Variants in ADAMTSL1 observed in about 807,000 individuals in gnomAD.
The protein encoded by ADAMTSL1 is ADAMTS-like protein 1.
In ADAMTSL1, 126 loss-of-function variants were observed where a neutral mutation model predicts 201.8. The ratio of observed to expected loss-of-function variants is 0.62; its 90% CI spans 0.54 to 0.72. The LOEUF (loss-of-function observed/expected upper bound fraction) is 0.72, where lower values mean the gene tolerates loss of function less well. Ranked by LOEUF, ADAMTSL1 falls within the 30% of genes least tolerant of loss-of-function variation. The pLI is 0.00. For missense variants in ADAMTSL1, 2,679 were observed against 2,277.8 expected (o/e 1.18, Z -3.59); for synonymous variants, 1,121 against 903.4 (o/e 1.24, Z -4.32).
rs189758212 is a variant in ADAMTSL1, at chr9:18,786,930, T to C, written c.3678-8467T>C. Among the ~76,000 whole-genome samples the C allele has an allele frequency of 5.9e-5, 9 of 152,306 alleles. No homozygotes were observed. In the East Asian group the frequency reaches 1.5e-3, roughly 26 times the overall value. On this transcript the variant is annotated intron_variant, in intron 19 of 28. Coordinates refer to ENST00000380548, the MANE Select transcript of ADAMTSL1 (RefSeq NM_001040272.6). Reference sequence around the variant, plus strand: ...TGAATAGGAGATGAATTAAGGCATATTTGGAAGTCTTTAACTTGGGCAACT... The same window carrying C: ...TGAATAGGAGATGAATTAAGGCATACTTGGAAGTCTTTAACTTGGGCAACT...
intron 7 of ADAMTSL1, among the ~76,000 whole-genome samples, chr9:18,641,743 A>G (rs1050620377): frequency 6.6e-6 from 1 of 151,946 alleles, no homozygotes; most frequent in Admixed American, 6.6e-5. Flanking sequence ...TAATGAAACA[A>G]CTTTCTCTTC....
chr9:18,566,197 G>A (rs560260703), intron 3 of ADAMTSL1, among the ~76,000 whole-genome samples: 3 of 152,090 alleles, frequency 2.0e-5, no homozygotes, highest in Non-Finnish European at 2.9e-5. Flanking sequence ...AGAAAACTAA[G>A]ATTCAAATTC....
chr9:18,497,220 ATCCCTATAG>A (rs1822575207), intron 1 of ADAMTSL1, among the ~76,000 whole-genome samples: 1 of 152,246 alleles, frequency 6.6e-6, no homozygotes. Flanking sequence ...GGTTTAAAAT[ATCCCTATAG>A]TCCAGGGGCC....
In ADAMTSL1 at chr9:18,777,534, C is replaced by T; in HGVS notation, c.3305C>T (p.Ala1102Val). 6.2e-7 allele frequency: 1 copy of T among 1,601,848 alleles called. No individual in the cohort carries two copies. Among genetic ancestry groups the T allele is most frequent in the Middle Eastern group, 1.7e-4 (1 of 6,054 alleles). Residue 1102 changes from alanine to valine, a missense_variant, in exon 19 of 29, where the codon GCC (alanine) becomes GTC (valine). Coordinates refer to ENST00000380548, the MANE Select transcript of ADAMTSL1 (RefSeq NM_001040272.6). ...GACCTCTACAGCAAGCACCTGGTGGCCCAGCTGGCCCAGGAGATCTTCCGC... is the reference window on the plus strand; with the variant it reads ...GACCTCTACAGCAAGCACCTGGTGGTCCAGCTGGCCCAGGAGATCTTCCGC... ...LRDLYSKHLV[A>V]QLAQEIFRSH...
chr9:18,288,260 T>G (rs1224444562), intron 2 of ADAMTSL1, among the ~76,000 whole-genome samples: 1 of 151,946 alleles, frequency 6.6e-6, no homozygotes, highest in Non-Finnish European at 1.5e-5. Flanking sequence ...AAATCCCAGG[T>G]CAATGTCTCC....
rs548316902 is a variant in ADAMTSL1 at position 18,667,424 on chromosome 9, T to C, written c.1085+5351T>C. On this transcript the variant is annotated intron_variant, in intron 9 of 28. Transcript: ENST00000380548. ...ACTAGTCAATGGCAATATAGCCTGA[T>C]GTTTAGGAGTGGGAGCTTTGGCATA... 2.0e-3 allele frequency among the ~76,000 whole-genome samples: 302 copies of C among 152,214 alleles called. 1 individual carries two copies. The highest frequency in any genetic ancestry group is 3.2e-3 in the Non-Finnish European group (221 of 68,000).
intron 2 of ADAMTSL1, among the ~76,000 whole-genome samples, chr9:18,293,952 C>A (rs1043896113): frequency 1.1e-4 from 17 of 152,184 alleles, no homozygotes; most frequent in African/African-American, 3.9e-4. Context: ...CTGTACTAAA[C>A]ATAAAATAAC....
At chr9:18,574,818 T>A (rs1822605236) in intron 4 of ADAMTSL1, among the ~76,000 whole-genome samples, 1 of 152,156 alleles carries the variant, frequency 6.6e-6, no homozygotes. Context: ...AAAACAGGAT[T>A]ACAAAAAGGT....
At chr9:18,897,196 G>A (rs530657412) in intron 26 of ADAMTSL1, among the ~76,000 whole-genome samples, 9 of 152,194 alleles carry the variant, frequency 5.9e-5, no homozygotes, top group Non-Finnish European at 1.2e-4. Flanking sequence ...TCCAACCTGG[G>A]TTATACTAAC....
At chr9:18,093,898 C>A (rs1824130588) in intron 1 of ADAMTSL1, among the ~76,000 whole-genome samples, 1 of 152,016 alleles carries the variant, frequency 6.6e-6, no homozygotes, top group African/African-American at 2.4e-5. Flanking sequence ...ATGGGAAGGT[C>A]ATTGTGCAAT....
Position 18,905,765 on chromosome 9 carries a change from CT to C in ADAMTSL1, c.4852-12del. 1 of 1,604,592 alleles carries C rather than the reference CT, an allele frequency of 6.2e-7. No individual in the cohort carries two copies. The highest frequency in any genetic ancestry group is 8.5e-7 in the Non-Finnish European group (1 of 1,174,394). On this transcript the variant is annotated splice_polypyrimidine_tract_variant and intron_variant, in intron 26 of 28. Transcript: ENST00000380548. ...ACTTGGCTAATGTGCGGTATGTTAC[CT>C]TTTTCTGCTTTCCAGTGCAATGGGC...
At chr9:18,515,349 T>C (rs73421042) in intron 2 of ADAMTSL1, among the ~76,000 whole-genome samples, 29,312 of 152,200 alleles carry the variant, frequency 0.19, 3,105 homozygotes, top group Middle Eastern at 0.27. Context: ...TTTGTTTGTT[T>C]TTTGAGACAA....
intron 20 of ADAMTSL1, among the ~76,000 whole-genome samples, chr9:18,800,635 A>G (rs1247692019): frequency 2.0e-5 from 3 of 152,152 alleles, no homozygotes; most frequent in Non-Finnish European, 2.9e-5. Context: ...TGAGCTCCCC[A>G]GTTGACTAGA....
chr9:18,099,937 T>C (rs114684443), intron 1 of ADAMTSL1, among the ~76,000 whole-genome samples: 9 of 152,096 alleles, frequency 5.9e-5, no homozygotes, highest in Non-Finnish European at 1.3e-4. Context: ...TTTTTCAAAG[T>C]TTCCTCCTTT....
intron 1 of ADAMTSL1, among the ~76,000 whole-genome samples, chr9:18,051,612 G>A (rs549072653): frequency 6.6e-6 from 1 of 151,838 alleles, no homozygotes. Context: ...ATACAGTTAG[G>A]CTATTCATTT....
chr9:18,843,653 C>G (rs1420040083), intron 23 of ADAMTSL1, among the ~76,000 whole-genome samples: 2 of 150,826 alleles, frequency 1.3e-5, no homozygotes, highest in African/African-American at 5.0e-5. Flanking sequence ...TCCATTCTCC[C>G]CATCACTTTC....
chr9:18,275,983 A>G (rs1832572570), intron 2 of ADAMTSL1, among the ~76,000 whole-genome samples: 1 of 152,086 alleles, frequency 6.6e-6, no homozygotes, highest in Admixed American at 6.5e-5. Flanking sequence ...TCCACCAGCA[A>G]TATATGAGGG....
chr9:18,315,313 C>T (rs185631104), intron 2 of ADAMTSL1, among the ~76,000 whole-genome samples: 423 of 152,280 alleles, frequency 2.8e-3, no homozygotes, highest in African/African-American at 9.8e-3. Flanking sequence ...CAGCTGGCTT[C>T]GCCTAGTGCA....
intron 1 of ADAMTSL1, among the ~76,000 whole-genome samples, chr9:17,979,625 C>A (rs1444791738): frequency 6.6e-6 from 1 of 151,356 alleles, no homozygotes; most frequent in African/African-American, 2.4e-5. Context: ...TTCTTAGGAG[C>A]TTTTGTAAGA....
Sources: allele counts gnomAD v4.1 joint callset (sites outside exome capture counted in the v4.1 genomes callset), GRCh38; gene constraint gnomAD v4.1.1; transcripts MANE v1.5; gene names NCBI Gene and HGNC (gene_info 2026-07-23, HGNC 2026-07-21).